Variants in FREY1 observed in about 807,000 individuals in gnomAD.
FREY1 encodes Frey regulator of sperm-oocyte fusion 1.
chr11:45,907,143 A>G, the FREY1 span: 1 of 1,556,690 alleles, frequency 6.4e-7, no homozygotes, highest in Non-Finnish European at 8.7e-7. Context: ...CCCAGGAGTC[A>G]CCTCAGAGGC....
At chr11:45,906,871 TCCA>T in the FREY1 span, 2 of 1,605,616 alleles carry the variant, frequency 1.2e-6, no homozygotes, top group African/African-American at 2.7e-5. Context: ...GATACTACCA[TCCA>T]CCAGGCCGGA....
chr11:45,906,714 G>A, the FREY1 span: 1 of 1,575,748 alleles, frequency 6.3e-7, no homozygotes. Context: ...AGAGGGCATG[G>A]GTGGTAGGGG....
the FREY1 span, chr11:45,906,623 C>T: frequency 6.3e-6 from 10 of 1,593,542 alleles, no homozygotes; most frequent in Non-Finnish European, 8.6e-6. Context: ...CCCGCTTGCG[C>T]TGCTGGGCCC....
the FREY1 span, chr11:45,907,017 C>G: frequency 1.9e-6 from 3 of 1,572,854 alleles, no homozygotes; most frequent in South Asian, 3.3e-5. Flanking sequence ...GGGGATGGCT[C>G]AGTGTGGGGG....
the FREY1 span, chr11:45,906,888 T>C: frequency 2.5e-6 from 4 of 1,613,836 alleles, no homozygotes; most frequent in Non-Finnish European, 3.4e-6. Context: ...GGCCGGAAAG[T>C]GGCTGCGAGA....
At chr11:45,906,586 A>AG in the FREY1 span, 1 of 1,566,090 alleles carries the variant, frequency 6.4e-7, no homozygotes. Flanking sequence ...TGTGCATCAT[A>AG]GTAATACTCG....
chr11:45,907,170 C>G, the FREY1 span: 5 of 1,557,258 alleles, frequency 3.2e-6, no homozygotes, highest in Non-Finnish European at 4.3e-6. Flanking sequence ...CGAAGCAGTG[C>G]CACTGCCAGG....
chr11:45,906,650 A>G, the FREY1 span: 1 of 1,594,926 alleles, frequency 6.3e-7, no homozygotes. Flanking sequence ...GGAGGGGTCG[A>G]GGCCCTCGCG....
At chr11:45,906,960 G>A in the FREY1 span, 1 of 1,613,392 alleles carries the variant, frequency 6.2e-7, no homozygotes, top group African/African-American at 1.3e-5. Flanking sequence ...AGATGTCGGG[G>A]TGCTCAGCCC....
the FREY1 span, chr11:45,906,715 G>A: frequency 6.5e-5 from 103 of 1,576,496 alleles, no homozygotes; most frequent in Non-Finnish European, 8.5e-5. Flanking sequence ...GAGGGCATGG[G>A]TGGTAGGGGG....
the FREY1 span, chr11:45,906,824 C>G: frequency 1.2e-6 from 2 of 1,612,102 alleles, no homozygotes; most frequent in Non-Finnish European, 1.7e-6. Flanking sequence ...AGGGGCGTCT[C>G]CACTGTCAGG....
chr11:45,907,255 GGGTCCTGGCT>G, the FREY1 span: 1 of 1,536,330 alleles, frequency 6.5e-7, no homozygotes, highest in Non-Finnish European at 8.8e-7. Flanking sequence ...TCTCCTACAC[GGGTCCTGGCT>G]CCTGTCGTCC....
At chr11:45,906,905 G>C in the FREY1 span, 12 of 1,613,678 alleles carry the variant, frequency 7.4e-6, no homozygotes, top group African/African-American at 5.3e-5. Context: ...GAGAGTTCCA[G>C]GGGGGCGGAA....
chr11:45,906,645 G>A, the FREY1 span: 2 of 1,595,368 alleles, frequency 1.3e-6, no homozygotes, highest in East Asian at 2.2e-5. Context: ...AGACAGGAGG[G>A]GTCGAGGCCC....
the FREY1 span, chr11:45,906,749 G>C: frequency 6.3e-7 from 1 of 1,584,120 alleles, no homozygotes; most frequent in Admixed American, 1.7e-5. Context: ...TGGAACTGAA[G>C]TCACCCTTGA....
chr11:45,906,827 C>G, the FREY1 span: 2 of 1,612,120 alleles, frequency 1.2e-6, no homozygotes, highest in Admixed American at 1.7e-5. Flanking sequence ...GGCGTCTCCA[C>G]TGTCAGGGAT....
At chr11:45,907,165 C>G in the FREY1 span, 1 of 1,557,408 alleles carries the variant, frequency 6.4e-7, no homozygotes, top group Non-Finnish European at 8.7e-7. Context: ...GGGAGCGAAG[C>G]AGTGCCACTG....
At chr11:45,907,099 C>T in the FREY1 span, 1 of 1,539,236 alleles carries the variant, frequency 6.5e-7, no homozygotes, top group Admixed American at 1.9e-5. Flanking sequence ...GGCAGCACCT[C>T]CACCATCCGG....
At chr11:45,906,879 G>A in the FREY1 span, 2 of 1,613,906 alleles carry the variant, frequency 1.2e-6, no homozygotes, top group South Asian at 1.1e-5. Context: ...CATCCACCAG[G>A]CCGGAAAGTG....
Sources: gnomAD v4.1 joint callset for allele counts on GRCh38, gnomAD v4.1.1 for gene constraint, MANE v1.5 for transcripts, NCBI Gene and HGNC (gene_info 2026-07-23, HGNC 2026-07-21) for gene names.